Variants in CADPS2 observed in about 807,000 individuals in gnomAD.
CADPS2 encodes the protein calcium-dependent secretion activator 2.
CADPS2 carries 93 observed loss-of-function variants against 172.5 expected under a neutral mutation model. The ratio of observed to expected loss-of-function variants is 0.54; its 90% CI spans 0.46 to 0.64. The LOEUF (loss-of-function observed/expected upper bound fraction) is 0.64, where lower values mean the gene tolerates loss of function less well. CADPS2 is among the 30% of genes least tolerant of loss of function. The probability of loss-of-function intolerance (pLI) is 0.00; values close to 1 mark genes in which losing one functional copy is unlikely to be tolerated. For missense variants in CADPS2, 1,420 were observed against 1,565.9 expected (o/e 0.91, Z 1.57); for synonymous variants, 546 against 555.2 (o/e 0.98, Z 0.23).
intron 4 of CADPS2, among the ~76,000 whole-genome samples, chr7:122,625,228 T>TTAG (rs1017175854): frequency 6.6e-6 from 1 of 152,020 alleles, no homozygotes; most frequent in African/African-American, 2.4e-5. Flanking sequence ...TTTTGTATTT[T>TTAG]TAGTAGAGAC....
chr7:122,654,493 G>C (rs1311307684), intron 3 of CADPS2, among the ~76,000 whole-genome samples: 1 of 152,200 alleles, frequency 6.6e-6, no homozygotes, highest in Non-Finnish European at 1.5e-5. Flanking sequence ...TGAGGGATTT[G>C]AAGAATCATG....
At chr7:122,877,493 A>T (rs1371900601) in intron 1 of CADPS2, among the ~76,000 whole-genome samples, 1 of 152,210 alleles carries the variant, frequency 6.6e-6, no homozygotes, top group African/African-American at 2.4e-5. Context: ...TCAACTGCCT[A>T]CCTAGAAAAT....
chr7:122,839,059 C>T (rs146309939), intron 1 of CADPS2, among the ~76,000 whole-genome samples: 14,870 of 152,066 alleles, frequency 0.098, 949 homozygotes, highest in Middle Eastern at 0.15. Flanking sequence ...CAAAACAGCA[C>T]GGTGCTGGTA....
chr7:122,765,393 G>C (rs1271615782), intron 1 of CADPS2, among the ~76,000 whole-genome samples: 1 of 152,090 alleles, frequency 6.6e-6, no homozygotes, highest in East Asian at 1.9e-4. Context: ...CCATCATCCA[G>C]AACAGTGCCC....
chr7:122,421,230 CATG>C (rs1474309367), intron 17 of CADPS2: 4 of 152,158 alleles, frequency 2.6e-5, no homozygotes, highest in Non-Finnish European at 4.4e-5. Context: ...AATAACCCTA[CATG>C]ATGATTTATG....
At chr7:122,758,081 T>C (rs1263923768) in intron 1 of CADPS2, among the ~76,000 whole-genome samples, 1 of 152,214 alleles carries the variant, frequency 6.6e-6, no homozygotes, top group Non-Finnish European at 1.5e-5. Context: ...AAAGTCAAGC[T>C]TGCTTCTCCT....
chr7:122,338,419 C>CAAAT (rs201009223), intron 28 of CADPS2, among the ~76,000 whole-genome samples: 8 of 151,856 alleles, frequency 5.3e-5, no homozygotes, highest in Non-Finnish European at 8.8e-5. Context: ...AACAAACAAA[C>CAAAT]AAATAAATAA....
chr7:122,638,931 A>G (rs1026061006), intron 3 of CADPS2, among the ~76,000 whole-genome samples: 3 of 152,190 alleles, frequency 2.0e-5, no homozygotes, highest in Non-Finnish European at 2.9e-5. Context: ...TCTCCACGAG[A>G]GCAGTACACA....
At chr7:122,765,336 A>T (rs1301903210) in intron 1 of CADPS2, among the ~76,000 whole-genome samples, 3 of 152,156 alleles carry the variant, frequency 2.0e-5, no homozygotes, top group Non-Finnish European at 4.4e-5. Flanking sequence ...CTGTATTTTT[A>T]AAAATGATAA....
chr7:122,636,973 G>T (rs1198012569), intron 3 of CADPS2, among the ~76,000 whole-genome samples: 1 of 151,886 alleles, frequency 6.6e-6, no homozygotes. Flanking sequence ...CCTCTGTCAG[G>T]AATGCCAATG....
chr7:122,769,019 TGC>T (rs2093634883), intron 1 of CADPS2, among the ~76,000 whole-genome samples: 1 of 151,762 alleles, frequency 6.6e-6, no homozygotes, highest in Non-Finnish European at 1.5e-5. Flanking sequence ...ACAACAAGGC[TGC>T]CATTCAAATA....
chr7:122,729,512 A>G (rs1294415916), intron 2 of CADPS2, among the ~76,000 whole-genome samples: 1 of 151,738 alleles, frequency 6.6e-6, no homozygotes, highest in Non-Finnish European at 1.5e-5. Flanking sequence ...CCTTTTCTCT[A>G]CATACTTGTC....
At chr7:122,716,725 C>T (rs1453333842) in intron 2 of CADPS2, among the ~76,000 whole-genome samples, 2 of 152,108 alleles carry the variant, frequency 1.3e-5, no homozygotes, top group African/African-American at 4.8e-5. Flanking sequence ...TGCCTGGTTT[C>T]TCCTTCCAGC....
intron 9 of CADPS2, among the ~76,000 whole-genome samples, chr7:122,506,189 C>A (rs1176785991): frequency 1.3e-5 from 2 of 152,158 alleles, no homozygotes; most frequent in African/African-American, 2.4e-5. Context: ...CTATTCTGAT[C>A]CGGTATTTGT....
intron 8 of CADPS2, among the ~76,000 whole-genome samples, chr7:122,550,634 A>G (rs1197815529): frequency 1.3e-5 from 2 of 152,130 alleles, no homozygotes; most frequent in Non-Finnish European, 2.9e-5. Context: ...CCTTTGAATT[A>G]GGAAAATAAT....
At position 122,532,068 on chromosome 7, in the gene CADPS2, ACTGTTAGC is replaced by A. The variant is rs1230509674; in HGVS notation, c.1476-18761_1476-18754del. On this transcript the variant is annotated intron_variant, in intron 8 of 29. Coordinates refer to ENST00000449022, the MANE Select transcript of CADPS2 (RefSeq NM_017954.11). ...AACAAAACAAACAAACAAACAAAATACTGTTAGCCTGTTAGCATTATCTTGACATCTAG... is the reference window on the plus strand; with the variant it reads ...AACAAAACAAACAAACAAACAAAATACTGTTAGCATTATCTTGACATCTAG... Among the ~76,000 whole-genome samples, 22 of 151,990 alleles carry A rather than the reference ACTGTTAGC, an allele frequency of 1.4e-4. No homozygotes were observed. In the East Asian group the frequency reaches 4.1e-3, roughly 28 times the overall value.
intron 3 of CADPS2, among the ~76,000 whole-genome samples, chr7:122,656,818 T>A (rs1269855922): frequency 6.6e-6 from 1 of 152,180 alleles, no homozygotes; most frequent in Non-Finnish European, 1.5e-5. Context: ...TTTAATTAGA[T>A]CCCATTTGTC....
rs535647083 is a variant in CADPS2 at position 122,570,953 on chromosome 7, C to T, written c.1335+10226G>A. Among the ~76,000 whole-genome samples the T allele has an allele frequency of 2.6e-5, 4 of 152,038 alleles. No homozygotes were observed. The South Asian group carries it at 8.3e-4, about 32-fold the overall frequency. On this transcript the variant is annotated intron_variant, in intron 7 of 29. Transcript: ENST00000449022. ...ATGCTAAGTGACGAGTTAATGGGTG[C>T]AGCACACCAGCATGGCACATGTATA...
chr7:122,548,357 G>C (rs2063841873), intron 8 of CADPS2, among the ~76,000 whole-genome samples: 1 of 151,774 alleles, frequency 6.6e-6, no homozygotes, highest in Non-Finnish European at 1.5e-5. Context: ...TGGGAGACAG[G>C]ATAAGACCCT....
Sources: allele counts gnomAD v4.1 joint callset (sites outside exome capture counted in the v4.1 genomes callset), GRCh38; gene constraint gnomAD v4.1.1; transcripts MANE v1.5; gene names NCBI Gene and HGNC (gene_info 2026-07-23, HGNC 2026-07-21).